The following KIF5A variants were observed in gnomAD, a reference collection of about 807,000 sequenced individuals.
KIF5A encodes kinesin family member 5A.
A neutral mutation model predicts 141.3 loss-of-function variants in KIF5A; 35 were observed. That is an observed-to-expected ratio of 0.25 (90% CI 0.19 to 0.33). The LOEUF is 0.33. KIF5A is among the 10% of genes least tolerant of loss of function. The probability of loss-of-function intolerance (pLI) is 1.00; values close to 1 mark genes in which losing one functional copy is unlikely to be tolerated. For synonymous variants in KIF5A, 448 were observed against 500.2 expected (o/e 0.90, Z 1.39); for missense variants, 861 against 1,314.3 (o/e 0.66, Z 5.33).
chr12:57,564,921 C>G lies in KIF5A; in HGVS notation c.449C>G (p.Thr150Ser), dbSNP rs1882017045. 6.2e-7 allele frequency: 1 copy of G among 1,614,012 alleles called. No homozygotes were observed. The highest frequency in any genetic ancestry group is 8.5e-7 in the Non-Finnish European group (1 of 1,180,006). The change falls in exon 6 of 29, where the codon ACC becomes AGC. Residue 150 changes from threonine to serine, a missense_variant. Coordinates refer to ENST00000455537, the MANE Select transcript of KIF5A (RefSeq NM_004984.4). ...LDKIRDLLDVTKTNLSVHEDK... is the reference protein window; with the variant it reads ...LDKIRDLLDVSKTNLSVHEDK... Reference sequence around the variant, plus strand: ...ACCCTGCATTCTTTTGATTCAGTGACCAAGACAAATCTGTCCGTGCACGAG... The same window carrying G: ...ACCCTGCATTCTTTTGATTCAGTGAGCAAGACAAATCTGTCCGTGCACGAG...
intron 1 of KIF5A, among the ~76,000 whole-genome samples, chr12:57,562,895 C>T (rs1011215827): frequency 6.6e-6 from 1 of 152,072 alleles, no homozygotes; most frequent in East Asian, 1.9e-4. Flanking sequence ...CATCACACCA[C>T]GACTAAGATC....
intron 1 of KIF5A, among the ~76,000 whole-genome samples, chr12:57,555,840 C>T (rs1328980247): frequency 2.2e-5 from 3 of 136,598 alleles, no homozygotes; most frequent in South Asian, 2.3e-4. Context: ...ACCTGGGAGG[C>T]GAAGGTTGCA....
chr12:57,559,955 G>T (rs181468580), intron 1 of KIF5A, among the ~76,000 whole-genome samples: 447 of 152,202 alleles, frequency 2.9e-3, no homozygotes, highest in African/African-American at 0.01. Flanking sequence ...GCGGTGGCGC[G>T]ATCTCGGCTC....
rs570460573 is a variant in KIF5A, at chr12:57,556,240, G to A, written c.129+5840G>A. 3.4e-4 allele frequency among the ~76,000 whole-genome samples: 51 copies of A among 151,762 alleles called. No individual in the cohort carries two copies. In the Middle Eastern group the frequency reaches 0.014, roughly 40 times the overall value. On this transcript the variant is annotated intron_variant, in intron 1 of 28. Transcript: ENST00000455537. ...TGGAAACTCCGCCTTCCGGGTTCAC[G>A]CCATTCTTCTGCCTCAGCCTCCCAA...
At chr12:57,557,557 T>G (rs772571177) in intron 1 of KIF5A, among the ~76,000 whole-genome samples, 1 of 151,992 alleles carries the variant, frequency 6.6e-6, no homozygotes, top group Non-Finnish European at 1.5e-5. Context: ...ATTTTTCCAG[T>G]GTTTTTTCTA....
At chr12:57,563,756 A>C in intron 3 of KIF5A, 63 bp downstream of exon 3, 382 of 1,411,678 alleles carry the variant, frequency 2.7e-4, no homozygotes, top group Non-Finnish European at 3.4e-4. Flanking sequence ...AGGGAATCTC[A>C]GTGGGGGAAG....
intron 19 of KIF5A, 79 bp from the exon 20 acceptor site, chr12:57,576,682 A>C: frequency 9.6e-7 from 1 of 1,042,248 alleles, no homozygotes. Flanking sequence ...AAAAAGGAAG[A>C]AGTTTGAAGA....
At chr12:57,570,229 T>C in intron 12 of KIF5A, 67 bp downstream of exon 12, 1 of 1,448,306 alleles carries the variant, frequency 6.9e-7, no homozygotes, top group Admixed American at 1.8e-5. Flanking sequence ...TCAAAGAAAA[T>C]CGCTTATATT....
intron 24 of KIF5A, 85 bp downstream of exon 24, chr12:57,581,257 C>G: frequency 6.7e-7 from 1 of 1,502,940 alleles, no homozygotes; most frequent in African/African-American, 1.4e-5. Context: ...TAGATTATTG[C>G]TTCTTACCTA....
rs979336728 is a variant in KIF5A, at chr12:57,550,852, A to G, written c.129+452A>G. 1.3e-5 allele frequency among the ~76,000 whole-genome samples: 2 copies of G among 152,150 alleles called. No homozygotes were observed. Among genetic ancestry groups the G allele is most frequent in the Middle Eastern group, 3.2e-3 (1 of 316 alleles). ...GGTGAGCAGTCCAGGGTCTCTGCAG[A>G]GTGTGGATGGAAGTGGGCTCTAAGA... On this transcript the variant is annotated intron_variant, in intron 1 of 28. Coordinates refer to ENST00000455537, the MANE Select transcript of KIF5A (RefSeq NM_004984.4). The surrounding 1 kb of genome is among the most constrained non-coding windows in gnomAD (Gnocchi z 4.6).
At chr12:57,552,589 A>G (rs886188625) in intron 1 of KIF5A, among the ~76,000 whole-genome samples, 3 of 152,202 alleles carry the variant, frequency 2.0e-5, no homozygotes, top group African/African-American at 7.2e-5. Context: ...CAGACTTAAT[A>G]TTCATTCATC....
At chr12:57,557,133 A>G (rs1358484946) in intron 1 of KIF5A, among the ~76,000 whole-genome samples, 1 of 152,174 alleles carries the variant, frequency 6.6e-6, no homozygotes, top group Non-Finnish European at 1.5e-5. Context: ...TAATACAACT[A>G]TCCTTCGTAC....
In KIF5A at chr12:57,569,057, C is replaced by T; in HGVS notation, c.809C>T (p.Ala270Val). Reference protein sequence around the residue: ...SALGNVISALAEGTKSYVPYR... With the variant: ...SALGNVISALVEGTKSYVPYR... ...CTGGGCAATGTGATCTCCGCACTGGCTGAGGGCACTGTGAGTGATCCTTAG... is the reference window on the plus strand; with the variant it reads ...CTGGGCAATGTGATCTCCGCACTGGTTGAGGGCACTGTGAGTGATCCTTAG... Residue 270 changes from alanine to valine, a missense_variant, in exon 9 of 29, where the codon GCT becomes GTT. Coordinates refer to ENST00000455537, the MANE Select transcript of KIF5A (RefSeq NM_004984.4). 1.2e-6 allele frequency: 2 copies of T among 1,613,286 alleles called. No individual in the cohort carries two copies. The highest frequency in any genetic ancestry group is 1.7e-6 in the Non-Finnish European group (2 of 1,179,300).
chr12:57,582,897 G>C, intron 27 of KIF5A: 1 of 646,910 alleles, frequency 1.5e-6, no homozygotes. Flanking sequence ...CTGACGACTG[G>C]GTTTCTCTCC....
Position 57,563,545 on chromosome 12 carries a change from G to A in KIF5A, c.217+19G>A, listed in dbSNP as rs1881974808. The A allele has an allele frequency of 6.2e-7, 1 of 1,610,256 alleles. No individual in the cohort carries two copies. Among genetic ancestry groups the A allele is most frequent in the East Asian group, 2.2e-5 (1 of 44,872 alleles). ...GTCAAAGGTAATAGATTTCTTTTTA[G>A]AATGTCTCTTCTCAGCACCCCATTT... is the stretch of plus-strand genomic sequence containing the variant. On this transcript the variant is annotated intron_variant, in intron 2 of 28. Coordinates refer to ENST00000455537, the MANE Select transcript of KIF5A (RefSeq NM_004984.4).
At chr12:57,564,846 G>T in intron 5 of KIF5A, 72 bp from the exon 6 acceptor site, 1 of 1,415,066 alleles carries the variant, frequency 7.1e-7, no homozygotes, top group Non-Finnish European at 1.0e-6. Context: ...ACCACCATCT[G>T]AGCTGACTGC....
intron 8 of KIF5A, 79 bp from the exon 9 acceptor site, chr12:57,568,884 C>A: frequency 1.1e-6 from 1 of 908,450 alleles, no homozygotes; most frequent in Non-Finnish European, 1.8e-6. Context: ...CCTCCGTGGA[C>A]TGAGCCCTGG....
At chr12:57,551,214 C>A (rs535371891) in intron 1 of KIF5A, among the ~76,000 whole-genome samples, 1 of 152,154 alleles carries the variant, frequency 6.6e-6, no homozygotes, top group Non-Finnish European at 1.5e-5. Context: ...AGGAGGATAT[C>A]TTAAGGGAAC....
chr12:57,556,020 G>T (rs1328740152), intron 1 of KIF5A, among the ~76,000 whole-genome samples: 1 of 151,964 alleles, frequency 6.6e-6, no homozygotes, highest in Non-Finnish European at 1.5e-5. Flanking sequence ...GAATTTTAGA[G>T]CCCAGCCAAG....
Sources: gnomAD v4.1 joint callset for allele counts (sites outside exome capture counted in the v4.1 genomes callset) on GRCh38, gnomAD v4.1.1 for gene constraint, Gnocchi (gnomAD v3.1) non-coding constraint, MANE v1.5 for transcripts, NCBI Gene and HGNC (gene_info 2026-07-23, HGNC 2026-07-21) for gene names.